Variants in GMDS observed in about 807,000 individuals in gnomAD.
The protein encoded by GMDS is GDP-mannose 4,6-dehydratase.
Under a neutral mutation model 49.9 loss-of-function variants are expected in GMDS, and 20 were observed. The observed-to-expected ratio is 0.40, with a 90% confidence interval of 0.28 to 0.58. GMDS has a LOEUF of 0.58. Among genes scored for constraint, GMDS ranks in the 20% least tolerant of loss-of-function variants. GMDS has a pLI of 0.42. For synonymous variants in GMDS, 177 were observed against 178.6 expected (o/e 0.99, Z 0.07); for missense variants, 362 against 481.4 (o/e 0.75, Z 2.32).
intron 7 of GMDS, among the ~76,000 whole-genome samples, chr6:1,898,508 A>G (rs1760335439): frequency 4.6e-5 from 7 of 152,150 alleles, no homozygotes; most frequent in Admixed American, 4.6e-4. Flanking sequence ...GCAAAATAAT[A>G]GTTTCCACCC....
intron 8 of GMDS, among the ~76,000 whole-genome samples, chr6:1,740,428 A>G (rs1767224245): frequency 6.6e-6 from 1 of 152,048 alleles, no homozygotes; most frequent in African/African-American, 2.4e-5. Flanking sequence ...GTGGTGGTCC[A>G]TGCCTGTAAT....
chr6:2,129,545 G>C (rs11242740), intron 1 of GMDS, among the ~76,000 whole-genome samples: 27,888 of 152,102 alleles, frequency 0.18, 2,862 homozygotes, highest in Middle Eastern at 0.23. Flanking sequence ...CTAATAAAAC[G>C]AATCTCTTTG....
intron 1 of GMDS, among the ~76,000 whole-genome samples, chr6:2,220,573 C>T (rs1051857484): frequency 6.6e-6 from 1 of 152,140 alleles, no homozygotes; most frequent in African/African-American, 2.4e-5. Flanking sequence ...GATAGAGTCA[C>T]CTTCACTTTC....
chr6:2,062,219 G>A (rs1771223802), intron 4 of GMDS, among the ~76,000 whole-genome samples: 1 of 152,306 alleles, frequency 6.6e-6, no homozygotes, highest in African/African-American at 2.4e-5. Flanking sequence ...ATCTACCTGA[G>A]GCGCTGGATG....
At chr6:2,203,804 G>A (rs1581792250) in intron 1 of GMDS, among the ~76,000 whole-genome samples, 2 of 152,176 alleles carry the variant, frequency 1.3e-5, no homozygotes, top group South Asian at 4.1e-4. Context: ...TGGGAGGAAG[G>A]CAGGTGAAAC....
chr6:1,980,289 C>T (rs1765148022), intron 4 of GMDS, among the ~76,000 whole-genome samples: 1 of 152,040 alleles, frequency 6.6e-6, no homozygotes, highest in African/African-American at 2.4e-5. Context: ...ATGCTGTGTT[C>T]AAGAGACTCA....
intron 4 of GMDS, among the ~76,000 whole-genome samples, chr6:1,998,994 G>C (rs1335481422): frequency 6.6e-6 from 1 of 151,990 alleles, no homozygotes; most frequent in African/African-American, 2.4e-5. Flanking sequence ...AAGTAATAAA[G>C]ATAATAATTC....
At chr6:2,132,400 T>C (rs1225019304) in intron 1 of GMDS, among the ~76,000 whole-genome samples, 1 of 152,198 alleles carries the variant, frequency 6.6e-6, no homozygotes, top group Non-Finnish European at 1.5e-5. Flanking sequence ...CCTGCCCTAT[T>C]GCTCTGAGAA....
intron 1 of GMDS, among the ~76,000 whole-genome samples, chr6:2,238,736 G>T (rs1264029102): frequency 6.6e-6 from 1 of 151,976 alleles, no homozygotes; most frequent in East Asian, 1.9e-4. Context: ...AAAAACCCAA[G>T]AATTTAAAAC....
chr6:1,768,135 T>C (rs971380316), intron 7 of GMDS, among the ~76,000 whole-genome samples: 12 of 152,194 alleles, frequency 7.9e-5, no homozygotes, highest in Admixed American at 7.2e-4. Flanking sequence ...GGCCTTTAAA[T>C]ATCTTTTAAA....
intron 4 of GMDS, among the ~76,000 whole-genome samples, chr6:2,090,298 C>T (rs532477176): frequency 4.6e-5 from 7 of 152,076 alleles, no homozygotes; most frequent in East Asian, 3.9e-4. Context: ...GTCCCAAATC[C>T]GATGGTAAAG....
At chr6:1,968,518 C>T (rs1014032653) in intron 4 of GMDS, among the ~76,000 whole-genome samples, 9 of 152,158 alleles carry the variant, frequency 5.9e-5, no homozygotes, top group Non-Finnish European at 1.2e-4. Context: ...GCCCACTCCC[C>T]TCTTGCGGGG....
intron 7 of GMDS, among the ~76,000 whole-genome samples, chr6:1,759,348 T>A (rs1768075273): frequency 6.6e-6 from 1 of 152,180 alleles, no homozygotes; most frequent in South Asian, 2.1e-4. Flanking sequence ...ACTGGAGAGA[T>A]TAAATGGTTC....
At chr6:1,636,604 GC>G in intron 9 of GMDS, among the ~76,000 whole-genome samples, 1 of 152,346 alleles carries the variant, frequency 6.6e-6, no homozygotes, top group South Asian at 2.1e-4. Context: ...TGCTGATGCG[GC>G]CCCCATGGAG....
At chr6:1,782,798 G>A (rs1240950670) in intron 7 of GMDS, among the ~76,000 whole-genome samples, 2 of 152,228 alleles carry the variant, frequency 1.3e-5, no homozygotes, top group Non-Finnish European at 1.5e-5. Flanking sequence ...ATACTTGGGT[G>A]TGAACTTGTC....
chr6:2,038,265 G>A (rs536711381), intron 4 of GMDS, among the ~76,000 whole-genome samples: 73 of 152,298 alleles, frequency 4.8e-4, no homozygotes, highest in Middle Eastern at 3.4e-3. Flanking sequence ...GACAGACTGC[G>A]AACTGGGACA....
chr6:2,201,810 A>T (rs35724860), intron 1 of GMDS, among the ~76,000 whole-genome samples: 3 of 72,150 alleles, frequency 4.2e-5, no homozygotes, highest in South Asian at 6.7e-4. Context: ...GGCAGTGAGG[A>T]CAGCATGTTA....
intron 4 of GMDS, among the ~76,000 whole-genome samples, chr6:2,046,251 A>G (rs2127432597): frequency 6.6e-6 from 1 of 152,260 alleles, no homozygotes; most frequent in South Asian, 2.1e-4. Flanking sequence ...AGAAAATTAG[A>G]CAAACCAATG....
At chr6:2,082,876 G>A (rs185533945) in intron 4 of GMDS, among the ~76,000 whole-genome samples, 6 of 152,232 alleles carry the variant, frequency 3.9e-5, no homozygotes, top group African/African-American at 1.2e-4. Flanking sequence ...TGACAAAACC[G>A]AACCCCAAAG....
Sources: allele counts gnomAD v4.1 joint callset (sites outside exome capture counted in the v4.1 genomes callset), GRCh38; gene constraint gnomAD v4.1.1; transcripts MANE v1.5; gene names NCBI Gene and HGNC (gene_info 2026-07-23, HGNC 2026-07-21).